The following NCKAP5 variants were observed in gnomAD, a reference collection of about 807,000 sequenced individuals.
NCKAP5 encodes NCK associated protein 5, also known as nck-associated protein 5.
In NCKAP5, 92 loss-of-function variants were observed where a neutral mutation model predicts 167.0. The ratio of observed to expected loss-of-function variants is 0.55; its 90% CI spans 0.47 to 0.66. The LOEUF (loss-of-function observed/expected upper bound fraction) is 0.66. Among genes scored for constraint, NCKAP5 ranks in the 30% least tolerant of loss-of-function variants. The pLI is 0.00. For synonymous variants in NCKAP5, 891 were observed against 877.4 expected (o/e 1.02, Z -0.27); for missense variants, 2,378 against 2,315.0 (o/e 1.03, Z -0.56).
At chr2:132,869,994 G>C (rs988988326) in intron 9 of NCKAP5, among the ~76,000 whole-genome samples, 3 of 152,154 alleles carry the variant, frequency 2.0e-5, no homozygotes, top group African/African-American at 7.2e-5. Context: ...CAGGCAGCTT[G>C]AGACAGCAGA....
the NCKAP5 span, among the ~76,000 whole-genome samples, chr2:133,608,318 A>G: frequency 6.6e-6 from 1 of 152,182 alleles, no homozygotes; most frequent in Admixed American, 6.5e-5. Context: ...GTCCTGTAGG[A>G]GCCAAAGGAT....
At chr2:133,011,686 C>A (rs1301421172) in intron 6 of NCKAP5, among the ~76,000 whole-genome samples, 1 of 152,150 alleles carries the variant, frequency 6.6e-6, no homozygotes, top group East Asian at 1.9e-4. Context: ...ATAAGCATGG[C>A]TATTTGAAGC....
intron 3 of NCKAP5, among the ~76,000 whole-genome samples, chr2:133,498,684 G>A (rs914294117): frequency 1.3e-5 from 2 of 152,060 alleles, no homozygotes; most frequent in African/African-American, 4.8e-5. Flanking sequence ...AGAGAGACGC[G>A]GAGGGAGAGA....
chr2:132,795,907 T>TA (rs67838303), intron 12 of NCKAP5, among the ~76,000 whole-genome samples: 88,895 of 142,678 alleles, frequency 0.62, 28,835 homozygotes, highest in East Asian at 0.89. Context: ...ACTCCATACT[T>TA]AAAAAAAAAA....
chr2:133,448,818 A>T (rs1691371577), intron 3 of NCKAP5, among the ~76,000 whole-genome samples: 2 of 151,816 alleles, frequency 1.3e-5, no homozygotes, highest in African/African-American at 4.8e-5. Flanking sequence ...TTTTGTATTT[A>T]TTCTATGGAC....
At chr2:133,010,112 C>CTCTGGAGATGCA (rs2078106807) in intron 6 of NCKAP5, among the ~76,000 whole-genome samples, 1 of 151,756 alleles carries the variant, frequency 6.6e-6, no homozygotes, top group Non-Finnish European at 1.5e-5. Context: ...AACAGAGGCT[C>CTCTGGAGATGCA]TCTGGAGATG....
At chr2:133,163,027 T>C (rs763477737) in intron 5 of NCKAP5, among the ~76,000 whole-genome samples, 9 of 152,156 alleles carry the variant, frequency 5.9e-5, no homozygotes, top group Non-Finnish European at 8.8e-5. Context: ...CAATATTCAG[T>C]TGCATGTCAG....
rs184724750 is a variant in NCKAP5, at chr2:132,990,286, T to C, written c.429+3866A>G. On this transcript the variant is annotated intron_variant, in intron 7 of 19. Coordinates refer to ENST00000409261, the MANE Select transcript of NCKAP5 (RefSeq NM_207363.3). ...GCTTATATTTTGGCTTCTATTACGT[T>C]GTTGAATATATATGATTATCTACCT... 3.3e-5 allele frequency among the ~76,000 whole-genome samples: 5 copies of C among 152,302 alleles called. No individual in the cohort carries two copies. In the South Asian group the frequency reaches 1.0e-3, roughly 32 times the overall value.
chr2:132,893,135 C>A (rs74423094), intron 8 of NCKAP5, among the ~76,000 whole-genome samples: 2,777 of 152,220 alleles, frequency 0.018, 56 homozygotes, highest in Non-Finnish European at 0.024. Context: ...CCAACTGGTG[C>A]AAATGAAAAC....
chr2:133,090,448 T>C (rs1164389573), intron 6 of NCKAP5, among the ~76,000 whole-genome samples: 1 of 151,920 alleles, frequency 6.6e-6, no homozygotes, highest in South Asian at 2.1e-4. Context: ...TGGGAGACCA[T>C]GGAGGCAGAA....
intron 6 of NCKAP5, among the ~76,000 whole-genome samples, chr2:133,006,856 T>C (rs2077987336): frequency 6.6e-6 from 1 of 152,198 alleles, no homozygotes; most frequent in African/African-American, 2.4e-5. Flanking sequence ...GGCAAAGAGA[T>C]GCTTTAAGAA....
rs188316477 is a variant in NCKAP5, at chr2:133,404,412, C to T, written c.70-101302G>A. ...AGCCCTATATACATTACTGTTTTTT[C>T]CTATACATAGATACATATATAGCTA... On this transcript the variant is annotated intron_variant, in intron 3 of 19. Coordinates refer to ENST00000409261, the MANE Select transcript of NCKAP5 (RefSeq NM_207363.3). Among the ~76,000 whole-genome samples the T allele has an allele frequency of 3.5e-3, 531 of 152,182 alleles. 2 individuals carry two copies. Among genetic ancestry groups the T allele is most frequent in the Non-Finnish European group, 5.6e-3 (384 of 68,004 alleles).
At chr2:133,503,687 T>C (rs897593007) in intron 3 of NCKAP5, among the ~76,000 whole-genome samples, 3 of 152,220 alleles carry the variant, frequency 2.0e-5, no homozygotes, top group Non-Finnish European at 4.4e-5. Flanking sequence ...GGTAACCATA[T>C]AGGAAAAAGG....
chr2:133,479,618 T>C (rs905886365), intron 3 of NCKAP5, among the ~76,000 whole-genome samples: 5 of 152,342 alleles, frequency 3.3e-5, no homozygotes. Flanking sequence ...TTCATAAATA[T>C]GTACAAACAG....
At position 132,734,767 on chromosome 2, in the gene NCKAP5, A is replaced by C. The variant is rs149486430; in HGVS notation, c.5129-2716T>G. Among the ~76,000 whole-genome samples the C allele has an allele frequency of 1.6e-3, 248 of 152,338 alleles. 1 individual carries two copies. Among genetic ancestry groups the C allele is most frequent in the African/African-American group, 5.7e-3 (239 of 41,580 alleles). On this transcript the variant is annotated intron_variant, in intron 16 of 19. Transcript: ENST00000409261. Reference sequence around the variant, plus strand: ...AACTTGTCCAAGGTCATATGCTGTAAATGAAAGCCTGGACTTGAATCTAGG... The same window carrying C: ...AACTTGTCCAAGGTCATATGCTGTACATGAAAGCCTGGACTTGAATCTAGG...
intron 6 of NCKAP5, among the ~76,000 whole-genome samples, chr2:132,995,322 G>A (rs762842470): frequency 2.2e-4 from 33 of 151,940 alleles, no homozygotes; most frequent in Non-Finnish European, 4.3e-4. Context: ...TTTTCTGTAT[G>A]TCCTTAGTAT....
At chr2:133,042,291 C>T (rs942578875) in intron 6 of NCKAP5, among the ~76,000 whole-genome samples, 2 of 152,092 alleles carry the variant, frequency 1.3e-5, no homozygotes, top group African/African-American at 4.8e-5. Context: ...GTGGAGTGGG[C>T]ATTCAGTACT....
At chr2:132,746,951 T>C (rs1574067464) in intron 16 of NCKAP5, among the ~76,000 whole-genome samples, 2 of 152,196 alleles carry the variant, frequency 1.3e-5, no homozygotes, top group East Asian at 3.9e-4. Flanking sequence ...AGACCAGTGG[T>C]TCCCTGGGAG....
chr2:133,385,848 G>A (rs1233555953), intron 3 of NCKAP5, among the ~76,000 whole-genome samples: 1 of 152,034 alleles, frequency 6.6e-6, no homozygotes, highest in Non-Finnish European at 1.5e-5. Context: ...GGTGTTTATA[G>A]TATTCTCTGA....
Sources: gnomAD v4.1 joint callset for allele counts (sites outside exome capture counted in the v4.1 genomes callset) on GRCh38, gnomAD v4.1.1 for gene constraint, MANE v1.5 for transcripts, NCBI Gene and HGNC (gene_info 2026-07-23, HGNC 2026-07-21) for gene names.